PTPRT: variants seen among roughly 807,000 people sequenced by gnomAD.
The protein encoded by PTPRT is receptor-type tyrosine-protein phosphatase T.
PTPRT carries 56 observed loss-of-function variants against 176.8 expected under a neutral mutation model. That is an observed-to-expected ratio of 0.32 (90% CI 0.26 to 0.40). PTPRT has a LOEUF of 0.40. Ranked by LOEUF, PTPRT falls within the 10% of genes least tolerant of loss-of-function variation. The pLI is 1.00. For synonymous variants in PTPRT, 783 were observed against 739.0 expected, an observed-to-expected ratio of 1.06 and a Z score of -0.96; for missense variants, 1,540 against 1,908.2, an observed-to-expected ratio of 0.81 and a Z score of 3.60.
intron 7 of PTPRT, among the ~76,000 whole-genome samples, chr20:42,544,063 A>G (rs1217916967): frequency 6.6e-6 from 1 of 152,154 alleles, no homozygotes; most frequent in African/African-American, 2.4e-5. Flanking sequence ...GTAAATAAGC[A>G]CAGTCTTCAA....
intron 9 of PTPRT, among the ~76,000 whole-genome samples, chr20:42,364,392 T>A (rs1006429730): frequency 2.0e-5 from 3 of 152,212 alleles, no homozygotes; most frequent in Admixed American, 2.0e-4. Context: ...TGTTGGAGAC[T>A]ACACCATCAA....
chr20:42,365,557 C>T (rs913118097), intron 9 of PTPRT, among the ~76,000 whole-genome samples: 16 of 151,696 alleles, frequency 1.1e-4, no homozygotes, highest in African/African-American at 3.9e-4. Flanking sequence ...TGATCTAGAG[C>T]AGGGGTGTCC....
intron 9 of PTPRT, among the ~76,000 whole-genome samples, chr20:42,393,526 CCA>C (rs796326569): frequency 2.0e-5 from 3 of 152,248 alleles, no homozygotes; most frequent in African/African-American, 7.2e-5. Flanking sequence ...ATCTGGGGTT[CCA>C]ACTTTCCCTC....
At chr20:42,746,246 C>G (rs1199658509) in intron 6 of PTPRT, among the ~76,000 whole-genome samples, 2 of 152,134 alleles carry the variant, frequency 1.3e-5, no homozygotes, top group African/African-American at 2.4e-5. Context: ...TAATATCTCC[C>G]GGTTAGCCTC....
chr20:42,089,455 G>T (rs1267077789), intron 27 of PTPRT, among the ~76,000 whole-genome samples: 1 of 152,176 alleles, frequency 6.6e-6, no homozygotes, highest in African/African-American at 2.4e-5. Flanking sequence ...AATATCTTCA[G>T]TCTGGAGAGA....
chr20:42,986,055 A>G (rs926240995), intron 1 of PTPRT, among the ~76,000 whole-genome samples: 2 of 152,242 alleles, frequency 1.3e-5, no homozygotes, highest in Non-Finnish European at 2.9e-5. Context: ...GGATCATTTC[A>G]TTCATCTCTA....
intron 7 of PTPRT, among the ~76,000 whole-genome samples, chr20:42,599,153 G>A (rs991497977): frequency 1.3e-5 from 2 of 152,146 alleles, no homozygotes; most frequent in Non-Finnish European, 2.9e-5. Context: ...GGAATAATGG[G>A]AGTAAGTGTC....
At chr20:42,068,647 G>C (rs1264858269), downstream of PTPRT, among the ~76,000 whole-genome samples, 1 of 152,168 alleles carries the variant, frequency 6.6e-6, no homozygotes, top group African/African-American at 2.4e-5. Context: ...AGGCTTCTTT[G>C]CATCTTTTAG....
intron 9 of PTPRT, among the ~76,000 whole-genome samples, chr20:42,392,214 A>G (rs1466993918): frequency 6.6e-6 from 1 of 152,214 alleles, no homozygotes; most frequent in Non-Finnish European, 1.5e-5. Flanking sequence ...ACATATGAAC[A>G]TTTCCTGCCC....
At chr20:42,920,509 G>A (rs2145952150) in intron 1 of PTPRT, among the ~76,000 whole-genome samples, 1 of 152,080 alleles carries the variant, frequency 6.6e-6, no homozygotes, top group South Asian at 2.1e-4. Flanking sequence ...TGTGTACAAT[G>A]ACCAAAATTC....
intron 2 of PTPRT, among the ~76,000 whole-genome samples, chr20:42,818,473 T>G (rs2077830957): frequency 6.6e-6 from 1 of 151,206 alleles, no homozygotes. Context: ...AAGGCCAGAG[T>G]GCCTTTCCTC....
the PTPRT span, among the ~76,000 whole-genome samples, chr20:42,055,148 G>A: frequency 2.0e-5 from 3 of 152,204 alleles, no homozygotes; most frequent in Non-Finnish European, 4.4e-5. Flanking sequence ...CAGTGAGCAG[G>A]TGTGCTTAAC....
intron 2 of PTPRT, among the ~76,000 whole-genome samples, chr20:42,850,150 G>A (rs2078443363): frequency 6.6e-6 from 1 of 152,126 alleles, no homozygotes; most frequent in Non-Finnish European, 1.5e-5. Context: ...CCCCCCTTCA[G>A]GTTTCTGAGC....
At chr20:42,410,446 G>C (rs1020835873) in intron 9 of PTPRT, among the ~76,000 whole-genome samples, 7 of 151,390 alleles carry the variant, frequency 4.6e-5, no homozygotes, top group Non-Finnish European at 1.0e-4. Context: ...ACAAAACTGA[G>C]AACTGGAAAG....
In PTPRT at chr20:42,236,495, T is replaced by C. The variant is rs549062702; in HGVS notation, c.2313-237A>G. Among the ~76,000 whole-genome samples the C allele has an allele frequency of 2.6e-5, 4 of 152,224 alleles. No individual in the cohort carries two copies. In the South Asian group the frequency reaches 8.3e-4, roughly 32 times the overall value. On this transcript the variant is annotated intron_variant, in intron 14 of 30. Transcript: ENST00000373187. ...ACCTCTTCTATAATAGGGAAACCCA[T>C]GGTCTCACATAGAGTAAGCCATGTT...
chr20:42,800,656 T>C (rs979650667), intron 2 of PTPRT, among the ~76,000 whole-genome samples: 3 of 152,248 alleles, frequency 2.0e-5, no homozygotes, highest in African/African-American at 4.8e-5. Context: ...AATGTTCAAC[T>C]GTGTCTTATA....
intron 1 of PTPRT, among the ~76,000 whole-genome samples, chr20:42,899,937 T>G (rs2079372659): frequency 6.6e-6 from 1 of 152,234 alleles, no homozygotes; most frequent in South Asian, 2.1e-4. Context: ...CTGGGAACTA[T>G]GTGCTATGCA....
chr20:42,895,090 A>C (rs143908683), intron 1 of PTPRT, among the ~76,000 whole-genome samples: 1 of 152,352 alleles, frequency 6.6e-6, no homozygotes, highest in East Asian at 1.9e-4. Context: ...TTTTTCTATA[A>C]AAGGCTAGAT....
chr20:42,501,129 G>A (rs2145416408), intron 7 of PTPRT, among the ~76,000 whole-genome samples: 1 of 152,178 alleles, frequency 6.6e-6, no homozygotes, highest in Non-Finnish European at 1.5e-5. Context: ...ACCCCCACAA[G>A]GGTAGCCAGT....
Sources: allele counts gnomAD v4.1 joint callset (sites outside exome capture counted in the v4.1 genomes callset), GRCh38; gene constraint gnomAD v4.1.1; transcripts MANE v1.5; gene names NCBI Gene and HGNC (gene_info 2026-07-23, HGNC 2026-07-21).